ACTR3C: variants seen among roughly 807,000 people sequenced by gnomAD.
ACTR3C encodes actin related protein 3C, also known as actin-related protein 3C.
A neutral mutation model predicts 26.3 loss-of-function variants in ACTR3C; 18 were observed. The observed-to-expected ratio is 0.68, with a 90% confidence interval of 0.47 to 1.01. ACTR3C has a LOEUF of 1.01. Among genes scored for constraint, ACTR3C ranks in the 50% least tolerant of loss-of-function variants. ACTR3C has a pLI of 0.00. For synonymous variants in ACTR3C, 55 were observed against 94.5 expected, an observed-to-expected ratio of 0.58 and a Z score of 2.42; for missense variants, 184 against 250.7, an observed-to-expected ratio of 0.73 and a Z score of 1.80.
chr7:150,091,915 G>T, the ACTR3C span, among the ~76,000 whole-genome samples: 3 of 140,924 alleles, frequency 2.1e-5, no homozygotes, highest in East Asian at 6.2e-4. Context: ...GTGAACCCGG[G>T]AGGCGGAGCT....
intron 1 of ACTR3C, among the ~76,000 whole-genome samples, chr7:150,317,913 G>A (rs1797100339): frequency 6.6e-6 from 1 of 151,890 alleles, no homozygotes; most frequent in African/African-American, 2.4e-5. Flanking sequence ...CTTGCAAGGA[G>A]GAGGAAAGTA....
chr7:150,006,637 T>C, the ACTR3C span, among the ~76,000 whole-genome samples: 5 of 150,848 alleles, frequency 3.3e-5, no homozygotes, highest in African/African-American at 1.2e-4. Flanking sequence ...CCACCTGGGG[T>C]CCCTGGTGCC....
At chr7:150,192,937 G>A in the ACTR3C span, among the ~76,000 whole-genome samples, 1 of 152,186 alleles carries the variant, frequency 6.6e-6, no homozygotes, top group Non-Finnish European at 1.5e-5. Context: ...TAGCCTGTAT[G>A]TTGCAATCTC....
At chr7:150,112,535 G>A in the ACTR3C span, among the ~76,000 whole-genome samples, 1 of 152,166 alleles carries the variant, frequency 6.6e-6, no homozygotes, top group Non-Finnish European at 1.5e-5. Context: ...GAGCTCCGCG[G>A]ACTGGTCCAC....
chr7:149,953,735 C>T, the ACTR3C span, among the ~76,000 whole-genome samples: 2 of 151,554 alleles, frequency 1.3e-5, no homozygotes. Context: ...AACCTCTACA[C>T]ACAGGAAGCA....
At position 150,273,899 on chromosome 7, in the gene ACTR3C, GC is replaced by G. The variant is rs1189535107; in HGVS notation, c.564+10853del. 9.9e-5 allele frequency among the ~76,000 whole-genome samples: 15 copies of G among 152,262 alleles called. No individual in the cohort carries two copies. The East Asian group carries it at 2.7e-3, about 27-fold the overall frequency. On this transcript the variant is annotated intron_variant, in intron 6 of 7. Coordinates refer to ENST00000683684, the MANE Select transcript of ACTR3C (RefSeq NM_001164458.2). ...CCTGACTCCTCTGTGAGAGCGCAAAGCCCCCAGGCCCCATAGCCTGCCGTGC... is the reference window on the plus strand; with the variant it reads ...CCTGACTCCTCTGTGAGAGCGCAAAGCCCCAGGCCCCATAGCCTGCCGTGC...
the ACTR3C span, among the ~76,000 whole-genome samples, chr7:149,908,733 A>G: frequency 6.6e-6 from 1 of 152,212 alleles, no homozygotes; most frequent in African/African-American, 2.4e-5. Context: ...ACTCTTTAGA[A>G]AACTGTTTCC....
the ACTR3C span, among the ~76,000 whole-genome samples, chr7:149,961,997 G>A: frequency 6.6e-6 from 1 of 151,072 alleles, no homozygotes; most frequent in African/African-American, 2.4e-5. Context: ...TCACAGGAAG[G>A]GTGTGCTCAC....
At position 150,288,418 on chromosome 7, in the gene ACTR3C, C is replaced by A. The variant is rs1001110411; in HGVS notation, c.297+1032G>T. Among the ~76,000 whole-genome samples, 3 of 109,890 alleles carry A rather than the reference C, an allele frequency of 2.7e-5. 1 individual carries two copies. The highest frequency in any genetic ancestry group is 5.3e-5 in the Non-Finnish European group (3 of 56,878). 72.1% of individuals were successfully genotyped at this position (109,890 alleles called of 152,430 possible). The stretch of plus-strand genomic sequence containing the variant: ...AGGCTCAATTCTTTTTTTTTTTTTT[C>A]TTCTTTTTTGAAATAGAGACGAGAT... On this transcript the variant is annotated intron_variant, in intron 4 of 7. Coordinates refer to ENST00000683684, the MANE Select transcript of ACTR3C (RefSeq NM_001164458.2).
chr7:150,289,454 A>C lies in ACTR3C; in HGVS notation c.293T>G (p.Ile98Ser). 1 of 1,578,208 alleles carries C rather than the reference A, an allele frequency of 6.3e-7. No individual in the cohort carries two copies. Among genetic ancestry groups the C allele is most frequent in the Non-Finnish European group, 8.6e-7 (1 of 1,165,188 alleles). Residue 98 changes from isoleucine (I) to serine (S), a missense_variant, in exon 4 of 8, where the codon ATT becomes AGT. Physicochemically the swap from Ile to Ser is moderately radical, Grantham distance 142. Transcript: ENST00000683684. ...PEQSLETAKA[I>S]KEKYCYICPD... Reference sequence around the variant, plus strand: ...CGGTTTCCCATCTGTTTTTACCTTAATGGCTTTTGCGGTCTCCAGTGACTG... The same window carrying C: ...CGGTTTCCCATCTGTTTTTACCTTACTGGCTTTTGCGGTCTCCAGTGACTG...
the ACTR3C span, among the ~76,000 whole-genome samples, chr7:150,125,917 C>T: frequency 2.3e-4 from 35 of 152,190 alleles, no homozygotes; most frequent in African/African-American, 7.2e-4. Context: ...TCCAGAGTGA[C>T]AACTTAATTG....
the ACTR3C span, among the ~76,000 whole-genome samples, chr7:149,898,377 T>C: frequency 2.6e-5 from 4 of 152,304 alleles, no homozygotes; most frequent in African/African-American, 7.2e-5. Context: ...TAATTGTGTG[T>C]GAATCCAGAA....
the ACTR3C span, among the ~76,000 whole-genome samples, chr7:150,060,238 C>G: frequency 6.6e-6 from 1 of 152,018 alleles, no homozygotes; most frequent in East Asian, 1.9e-4. Flanking sequence ...TTACACAGAA[C>G]TGGTGTTGAG....
chr7:150,148,025 G>A, the ACTR3C span, among the ~76,000 whole-genome samples: 2 of 145,886 alleles, frequency 1.4e-5, no homozygotes, highest in East Asian at 2.0e-4. Flanking sequence ...AGACAATGGG[G>A]AAAACAGCTA....
chr7:149,951,131 G>A, the ACTR3C span, among the ~76,000 whole-genome samples: 2 of 74,098 alleles, frequency 2.7e-5, no homozygotes, highest in African/African-American at 1.6e-4. Flanking sequence ...TGTTCGAGGC[G>A]CAACTGTGTT....
the ACTR3C span, among the ~76,000 whole-genome samples, chr7:150,109,934 C>A: frequency 1.4e-5 from 2 of 146,458 alleles, no homozygotes; most frequent in South Asian, 4.3e-4. Flanking sequence ...CTACCCTTCC[C>A]TGAGGCCCCC....
chr7:150,266,789 A>C (rs1175497623), intron 6 of ACTR3C, among the ~76,000 whole-genome samples: 3 of 152,242 alleles, frequency 2.0e-5, no homozygotes, highest in African/African-American at 7.2e-5. Context: ...ACAGAAGAAA[A>C]TATACAAATG....
chr7:150,110,208 A>T, the ACTR3C span, among the ~76,000 whole-genome samples: 1 of 150,622 alleles, frequency 6.6e-6, no homozygotes, highest in Non-Finnish European at 1.5e-5. Context: ...AATGCCTCTC[A>T]TTTTATTAAC....
chr7:150,023,348 T>TACATACA, the ACTR3C span, among the ~76,000 whole-genome samples: 5 of 111,280 alleles, frequency 4.5e-5, no homozygotes, highest in Non-Finnish European at 9.2e-5. Context: ...CATATATATT[T>TACATACA]TAGAGACAGA....
Sources: gnomAD v4.1 joint callset for allele counts (sites outside exome capture counted in the v4.1 genomes callset) on GRCh38, gnomAD v4.1.1 for gene constraint, MANE v1.5 for transcripts, NCBI Gene and HGNC (gene_info 2026-07-23, HGNC 2026-07-21) for gene names.